TMEM74: variants seen among roughly 807,000 people sequenced by gnomAD.
TMEM74 encodes the protein transmembrane protein 74.
A neutral mutation model predicts 18.1 loss-of-function variants in TMEM74; 13 were observed. The observed-to-expected ratio is 0.72, with a 90% confidence interval of 0.47 to 1.14. TMEM74 has a LOEUF of 1.14. TMEM74 is among the 50% of genes most tolerant of loss of function. The probability of loss-of-function intolerance (pLI) is 0.00; values close to 1 mark genes in which losing one functional copy is unlikely to be tolerated. For synonymous variants in TMEM74, 159 were observed against 146.6 expected (o/e 1.08, Z -0.61); for missense variants, 372 against 375.9 (o/e 0.99, Z 0.09).
chr8:108,757,084 G>C (rs1403591793), intron 1 of TMEM74, among the ~76,000 whole-genome samples: 4 of 152,034 alleles, frequency 2.6e-5, no homozygotes, highest in African/African-American at 9.7e-5. Context: ...ATACCCAAAG[G>C]AGAAATAAGA....
intron 1 of TMEM74, among the ~76,000 whole-genome samples, chr8:108,719,719 G>A (rs2130630257): frequency 6.6e-6 from 1 of 151,984 alleles, no homozygotes; most frequent in African/African-American, 2.4e-5. Context: ...TGGGGGGTGG[G>A]GAAAATCAGA....
At chr8:108,612,926 T>C (rs1812347439) in intron 2 of TMEM74, among the ~76,000 whole-genome samples, 1 of 152,208 alleles carries the variant, frequency 6.6e-6, no homozygotes. Context: ...AGTCTTCTGC[T>C]TTCTAAGTCA....
chr8:108,668,668 C>T (rs1812973041), intron 1 of TMEM74, among the ~76,000 whole-genome samples: 1 of 152,160 alleles, frequency 6.6e-6, no homozygotes, highest in South Asian at 2.1e-4. Context: ...ACCAGTTTTT[C>T]TGACTTTCAA....
At chr8:108,659,358 A>G (rs1490752170) in intron 1 of TMEM74, among the ~76,000 whole-genome samples, 1 of 151,888 alleles carries the variant, frequency 6.6e-6, no homozygotes, top group Non-Finnish European at 1.5e-5. Context: ...GTCTCCTCCT[A>G]GAAGGATTTT....
chr8:108,666,565 T>C (rs1812951366), intron 1 of TMEM74, among the ~76,000 whole-genome samples: 1 of 152,154 alleles, frequency 6.6e-6, no homozygotes, highest in South Asian at 2.1e-4. Context: ...GCTCGTGTAA[T>C]CTACTACAAG....
intron 1 of TMEM74, among the ~76,000 whole-genome samples, chr8:108,721,543 A>G (rs1813587328): frequency 6.6e-6 from 1 of 152,218 alleles, no homozygotes; most frequent in Non-Finnish European, 1.5e-5. Flanking sequence ...CCATCTCCTT[A>G]GAGAGATCTT....
intron 1 of TMEM74, among the ~76,000 whole-genome samples, chr8:108,662,155 G>C (rs1221597845): frequency 6.6e-6 from 1 of 152,038 alleles, no homozygotes; most frequent in Non-Finnish European, 1.5e-5. Context: ...CCACAGTCAG[G>C]ATGAAGAAAT....
At chr8:108,671,486 A>C (rs1002713936) in intron 1 of TMEM74, among the ~76,000 whole-genome samples, 3 of 152,206 alleles carry the variant, frequency 2.0e-5, no homozygotes, top group African/African-American at 7.2e-5. Flanking sequence ...AGGTGACATT[A>C]AGGTTCATGC....
intron 1 of TMEM74, among the ~76,000 whole-genome samples, chr8:108,729,543 T>C (rs1000881509): frequency 4.3e-4 from 66 of 152,242 alleles, no homozygotes; most frequent in Non-Finnish European, 7.9e-4. Context: ...ACATTTTGCC[T>C]ATCAGAATAT....
chr8:108,710,943 C>T (rs1046828845), intron 1 of TMEM74, among the ~76,000 whole-genome samples: 8 of 152,156 alleles, frequency 5.3e-5, no homozygotes, highest in Admixed American at 2.6e-4. Flanking sequence ...TGATAACAAG[C>T]GGAGTTATAT....
chr8:108,616,394 T>C (rs1343025063), intron 2 of TMEM74, among the ~76,000 whole-genome samples: 1 of 152,214 alleles, frequency 6.6e-6, no homozygotes, highest in Non-Finnish European at 1.5e-5. Context: ...AGCTACAATC[T>C]GCATTGTAGA....
chr8:108,682,962 G>A (rs1813130875), intron 1 of TMEM74, among the ~76,000 whole-genome samples: 1 of 151,744 alleles, frequency 6.6e-6, no homozygotes, highest in Non-Finnish European at 1.5e-5. Context: ...ATAAAGAAAA[G>A]ACTGAAGAAA....
chr8:108,665,019 T>C (rs1225867770), intron 1 of TMEM74, among the ~76,000 whole-genome samples: 1 of 152,052 alleles, frequency 6.6e-6, no homozygotes, highest in Non-Finnish European at 1.5e-5. Context: ...TAAAGCTTTT[T>C]TTTTTGATAA....
In TMEM74 at chr8:108,782,869, C is replaced by T. The variant is rs1239240057; in HGVS notation, c.*1312G>A. On this transcript the variant is annotated 3_prime_UTR_variant, in exon 2 of 2. Transcript: ENST00000297459. ...GTAAGGTATTTCTGAGGCTGCATTT[C>T]CCATCCCTTTTCTGAACCGTCACCA... is the stretch of plus-strand genomic sequence containing the variant. Among the ~76,000 whole-genome samples the T allele has an allele frequency of 6.6e-6, 1 of 152,166 alleles. No homozygotes were observed. Among genetic ancestry groups the T allele is most frequent in the Admixed American group, 6.5e-5 (1 of 15,272 alleles).
At chr8:108,618,128 A>C (rs1026165552) in intron 2 of TMEM74, among the ~76,000 whole-genome samples, 5 of 152,198 alleles carry the variant, frequency 3.3e-5, no homozygotes. Flanking sequence ...TCTCACAGCA[A>C]CTTAAAGCCT....
At chr8:108,688,759 C>T (rs917601821) in intron 1 of TMEM74, among the ~76,000 whole-genome samples, 3 of 152,284 alleles carry the variant, frequency 2.0e-5, no homozygotes, top group East Asian at 1.9e-4. Flanking sequence ...CTAATCAAGC[C>T]TTGCCACCAG....
At chr8:108,668,505 T>C (rs1418446190) in intron 1 of TMEM74, among the ~76,000 whole-genome samples, 1 of 152,166 alleles carries the variant, frequency 6.6e-6, no homozygotes, top group African/African-American at 2.4e-5. Flanking sequence ...GTACTACTAC[T>C]ACTATTGGTA....
At chr8:108,670,035 G>GAAAAAAAAAAAAAAAAAAAA (rs1192889404) in intron 1 of TMEM74, among the ~76,000 whole-genome samples, 1 of 60,846 alleles carries the variant, frequency 1.6e-5, no homozygotes. Context: ...AAGATTCTGT[G>GAAAAAAAAAAAAAAAAAAAA]AAAAAAAAAA....
chr8:108,644,829 AC>A (rs1447293386), intron 2 of TMEM74, among the ~76,000 whole-genome samples: 1 of 152,226 alleles, frequency 6.6e-6, no homozygotes, highest in Non-Finnish European at 1.5e-5. Context: ...CAGAATGGCT[AC>A]TATTAAATAG....
Sources: gnomAD v4.1 joint callset for allele counts (sites outside exome capture counted in the v4.1 genomes callset) on GRCh38, gnomAD v4.1.1 for gene constraint, MANE v1.5 for transcripts, NCBI Gene and HGNC (gene_info 2026-07-23, HGNC 2026-07-21) for gene names.